Variants in KLHDC4 observed in about 807,000 individuals in gnomAD.
KLHDC4 encodes kelch domain containing 4, also known as kelch domain-containing protein 4.
Under a neutral mutation model 62.4 loss-of-function variants are expected in KLHDC4, and 90 were observed. That is an observed-to-expected ratio of 1.44 (90% CI 1.22 to 1.72). The LOEUF is 1.72. Among genes scored for constraint, KLHDC4 ranks in the 40% most tolerant of loss-of-function variants. The probability of loss-of-function intolerance (pLI) is 0.00; values close to 1 mark genes in which losing one functional copy is unlikely to be tolerated. For missense variants in KLHDC4, 1,025 were observed against 699.7 expected (o/e 1.47, Z -5.25); for synonymous variants, 386 against 284.4 (o/e 1.36, Z -3.59).
Position 87,708,387 on chromosome 16 carries a change from G to C in KLHDC4, c.1527C>G (p.Asp509Glu), listed in dbSNP as rs371269644. ...CACCGCTCTCCTCTCCGCTGTCTTC[G>C]TCGTCGACCCCACCCTCGGCGCCCT... ...EVEGAEGGVD[D>E]EDSGEESGAE... The change falls in exon 11 of 12, where the codon GAC becomes GAG. Residue 509 changes from aspartate to glutamate, a missense_variant. Physicochemically the swap from Asp to Glu is conservative, Grantham distance 45. Transcript: ENST00000270583. 1.2e-6 allele frequency: 2 copies of C among 1,610,710 alleles called. No individual in the cohort carries two copies. The highest frequency in any genetic ancestry group is 1.7e-6 in the Non-Finnish European group (2 of 1,179,116).
In KLHDC4 at chr16:87,726,838, G is replaced by A. The variant is rs2039449486; in HGVS notation, c.686C>T (p.Thr229Ile). The A allele has an allele frequency of 1.2e-6, 2 of 1,613,074 alleles. No individual in the cohort carries two copies. The highest frequency in any genetic ancestry group is 1.7e-6 in the Non-Finnish European group (2 of 1,179,608). Residue 229 changes from threonine (T) to isoleucine (I), a missense_variant, in exon 7 of 12, where the codon ACA (threonine) becomes ATA (isoleucine). By Grantham distance (89) the Thr-to-Ile change is moderately conservative. Coordinates refer to ENST00000270583, the MANE Select transcript of KLHDC4 (RefSeq NM_017566.4). Reference sequence around the variant, plus strand: ...GGACATCTGGCAGCCTGATCTGGGTGTGGGCCCCGTCCCTGACGGGGACAG... The same window carrying A: ...GGACATCTGGCAGCCTGATCTGGGTATGGGCCCCGTCCCTGACGGGGACAG... Reference protein sequence around the residue: ...SKLSPSGTGPTPRSGCQMSVT... With the variant: ...SKLSPSGTGPIPRSGCQMSVT...
chr16:87,764,175 G>C (rs1390203982), intron 1 of KLHDC4, among the ~76,000 whole-genome samples: 1 of 152,320 alleles, frequency 6.6e-6, no homozygotes, highest in Non-Finnish European at 1.5e-5. Context: ...ATTTAAGAAA[G>C]AGATGATCCT....
At chr16:87,737,235 T>C (rs926490824) in intron 5 of KLHDC4, among the ~76,000 whole-genome samples, 3 of 150,432 alleles carry the variant, frequency 2.0e-5, no homozygotes, top group Non-Finnish European at 4.4e-5. Context: ...ATTAAGACAC[T>C]AAATGACATC....
In KLHDC4 at chr16:87,709,376, C is replaced by T. The variant is rs150593777; in HGVS notation, c.1336G>A (p.Val446Ile). 459 of 1,613,496 alleles carry T rather than the reference C, an allele frequency of 2.8e-4. No homozygotes were observed. Among genetic ancestry groups the T allele is most frequent in the Non-Finnish European group, 3.6e-4 (430 of 1,179,942 alleles). ...MLAVKHGVLY[V>I]YGGMFEAGDR... is the part of the protein sequence containing the mutation. The stretch of plus-strand genomic sequence containing the variant: ...CCGGCCTCAAACATGCCCCCATAGA[C>T]GTAGAGCACCCCATGCTTCACAGCC... The change falls in exon 10 of 12, where the codon GTC (valine) becomes ATC (isoleucine). Residue 446 changes from valine to isoleucine, a missense_variant. Transcript: ENST00000270583.
Position 87,757,627 on chromosome 16 carries a change from C to T in KLHDC4, c.192-1150G>A, listed in dbSNP as rs146305663. Among the ~76,000 whole-genome samples, 342 of 151,770 alleles carry T rather than the reference C, an allele frequency of 2.3e-3. 7 individuals are homozygous for T. Among genetic ancestry groups the T allele is most frequent in the East Asian group, 7.8e-4 (4 of 5,132 alleles). On this transcript the variant is annotated intron_variant, in intron 2 of 11. Transcript: ENST00000270583. Reference sequence around the variant, plus strand: ...ATTATGGGCCAGGCCCGGTGGCTCACACTTGTAATCCCAGCACTTTGGGAG... The same window carrying T: ...ATTATGGGCCAGGCCCGGTGGCTCATACTTGTAATCCCAGCACTTTGGGAG...
chr16:87,729,729 G>A (rs1038855162), intron 6 of KLHDC4, among the ~76,000 whole-genome samples: 1 of 152,210 alleles, frequency 6.6e-6, no homozygotes, highest in Non-Finnish European at 1.5e-5. Flanking sequence ...TGGAGAGTGT[G>A]CTATCACTGC....
At chr16:87,763,083 C>T (rs1044124883) in intron 1 of KLHDC4, among the ~76,000 whole-genome samples, 2 of 152,162 alleles carry the variant, frequency 1.3e-5, no homozygotes, top group Middle Eastern at 3.2e-3. Context: ...GTATTCTAAA[C>T]GATGCAATAT....
chr16:87,729,148 C>T (rs901169472), intron 6 of KLHDC4, among the ~76,000 whole-genome samples: 1 of 152,088 alleles, frequency 6.6e-6, no homozygotes, highest in Non-Finnish European at 1.5e-5. Flanking sequence ...ATTTGGATCC[C>T]TTTTCCCCCC....
chr16:87,702,085 A>T (rs1337553376), exon 1 of KLHDC4: 1 of 456,246 alleles, frequency 2.2e-6, no homozygotes, highest in African/African-American at 2.0e-5. Flanking sequence ...GTGACCCCCG[A>T]GATCAGAACA....
At chr16:87,716,356 G>A (rs979460392) in intron 7 of KLHDC4, among the ~76,000 whole-genome samples, 15 of 151,794 alleles carry the variant, frequency 9.9e-5, no homozygotes, top group South Asian at 6.3e-4. Context: ...CTGGGTACGC[G>A]CTATGTCTCG....
In KLHDC4 at chr16:87,701,602, G is replaced by A. The variant is rs754942308; in HGVS notation, c.*37C>T. 6.5e-5 allele frequency: 28 copies of A among 428,540 alleles called. 1 individual carries two copies. The highest frequency in any genetic ancestry group is 3.7e-4 in the South Asian group (22 of 59,436). 26.5% of individuals were successfully genotyped at this position (428,540 alleles called of 1,614,324 possible). On this transcript the variant is annotated 3_prime_UTR_variant, in exon 1 of 1. Transcript: ENST00000446344. Reference sequence around the variant, plus strand: ...CCCAGGCCGCTGGGTTTCTGGGGTCGGCAGAGTGGGCCAGGCAACAACCTC... The same window carrying A: ...CCCAGGCCGCTGGGTTTCTGGGGTCAGCAGAGTGGGCCAGGCAACAACCTC...
chr16:87,704,688 G>C (rs909099551), downstream of KLHDC4, among the ~76,000 whole-genome samples: 1 of 152,042 alleles, frequency 6.6e-6, no homozygotes, highest in African/African-American at 2.4e-5. Flanking sequence ...CCTAGCCAAT[G>C]ACATCCTGCT....
chr16:87,758,504 CA>C, intron 2 of KLHDC4, among the ~76,000 whole-genome samples: 1 of 152,172 alleles, frequency 6.6e-6, no homozygotes, highest in Non-Finnish European at 1.5e-5. Flanking sequence ...GGCCAATTCA[CA>C]GTGACAGAAA....
intron 7 of KLHDC4, among the ~76,000 whole-genome samples, chr16:87,725,678 G>A (rs1486564903): frequency 6.6e-6 from 1 of 152,208 alleles, no homozygotes; most frequent in African/African-American, 2.4e-5. Context: ...GAACACTTGA[G>A]TTCCGAGGAC....
chr16:87,702,666 A>G (rs928519106), upstream of KLHDC4: 24 of 219,404 alleles, frequency 1.1e-4, no homozygotes, highest in South Asian at 1.8e-3. Context: ...CTCTCTGCTC[A>G]GGGGAGCCAC....
At chr16:87,760,266 G>A (rs562026543) in intron 2 of KLHDC4, among the ~76,000 whole-genome samples, 6 of 150,140 alleles carry the variant, frequency 4.0e-5, no homozygotes, top group East Asian at 1.9e-4. Context: ...GGCCAGGTAC[G>A]GTGACTTGAG....
chr16:87,746,373 G>A (rs891146794), intron 5 of KLHDC4, among the ~76,000 whole-genome samples: 4 of 151,314 alleles, frequency 2.6e-5, no homozygotes, highest in Admixed American at 6.6e-5. Flanking sequence ...GAGAGAGAGC[G>A]AGAAAGAGAG....
intron 7 of KLHDC4, among the ~76,000 whole-genome samples, chr16:87,719,696 C>A (rs1459930899): frequency 6.6e-6 from 1 of 150,844 alleles, no homozygotes; most frequent in East Asian, 2.0e-4. Flanking sequence ...AAAACTGATT[C>A]GGCTACGGTA....
chr16:87,708,741 G>A (rs1175251379), intron 10 of KLHDC4, among the ~76,000 whole-genome samples: 1 of 152,164 alleles, frequency 6.6e-6, no homozygotes, highest in Non-Finnish European at 1.5e-5. Flanking sequence ...CCTCCACCCC[G>A]GCTCACGGTG....
Sources: gnomAD v4.1 joint callset for allele counts (sites outside exome capture counted in the v4.1 genomes callset) on GRCh38, gnomAD v4.1.1 for gene constraint, MANE v1.5 for transcripts, NCBI Gene and HGNC (gene_info 2026-07-23, HGNC 2026-07-21) for gene names.